MIER1: variants seen among roughly 807,000 people sequenced by gnomAD.
MIER1 encodes MIER1 transcriptional regulator, also known as mesoderm induction early response protein 1.
MIER1 carries 40 observed loss-of-function variants against 75.7 expected under a neutral mutation model. That is an observed-to-expected ratio of 0.53 (90% confidence interval 0.41 to 0.69). MIER1 has a LOEUF of 0.69. Among genes scored for constraint, MIER1 ranks in the 30% least tolerant of loss-of-function variants. The pLI is 0.00. For missense variants in MIER1, 574 were observed against 680.2 expected, an observed-to-expected ratio of 0.84 and a Z score of 1.74; for synonymous variants, 213 against 223.4, an observed-to-expected ratio of 0.95 and a Z score of 0.42.
Position 66,988,258 on chromosome 1 carries a change from C to T in MIER1, c.*3358C>T, listed in dbSNP as rs1164303074. On this transcript the variant is annotated 3_prime_UTR_variant, in exon 14 of 14. Coordinates refer to ENST00000401041, the MANE Select transcript of MIER1 (RefSeq NM_001077700.3). ...TTAACCTTTTATTCTAAAAATGACT[C>T]TCTTCTCTCAAAATGACTTTTTCTG... is the stretch of plus-strand genomic sequence containing the variant. 1 of 152,256 alleles carries T rather than the reference C, an allele frequency of 6.6e-6. No homozygotes were observed. The highest frequency in any genetic ancestry group is 1.5e-5 in the Non-Finnish European group (1 of 68,032). The allele number at this position is 152,256 out of a possible 1,614,324, so 9.4% of individuals were successfully genotyped here. A position where few individuals can be genotyped will look rare whatever the true frequency, so the allele number is the denominator to read the frequency against.
In MIER1 at chr1:66,988,463, A is replaced by G. The variant is rs920948809; in HGVS notation, c.*3563A>G. The G allele has an allele frequency of 6.6e-6, 1 of 152,312 alleles. No homozygotes were observed. Among genetic ancestry groups the G allele is most frequent in the African/African-American group, 2.4e-5 (1 of 41,450 alleles). 9.4% of individuals were successfully genotyped at this position (152,312 alleles called of 1,614,324 possible). On this transcript the variant is annotated 3_prime_UTR_variant, in exon 14 of 14. Coordinates refer to ENST00000401041, the MANE Select transcript of MIER1 (RefSeq NM_001077700.3). Reference sequence around the variant, plus strand: ...TTCTTTTCTAATACCAGTTTTCCATAAACTCTTGTCATGTACCCTTAGTAT... The same window carrying G: ...TTCTTTTCTAATACCAGTTTTCCATGAACTCTTGTCATGTACCCTTAGTAT...
At chr1:66,957,986 G>T in intron 4 of MIER1, 73 bp from the exon 5 acceptor site, 1 of 909,620 alleles carries the variant, frequency 1.1e-6, no homozygotes, top group Non-Finnish European at 1.6e-6. Flanking sequence ...ATACTCCACA[G>T]ATTTGTGGAT....
At chr1:66,927,626 A>T (rs1392378836) in intron 2 of MIER1, among the ~76,000 whole-genome samples, 1 of 152,148 alleles carries the variant, frequency 6.6e-6, no homozygotes, top group Non-Finnish European at 1.5e-5. Context: ...GAATTAATCC[A>T]AAGTGCTGAA....
intron 2 of MIER1, chr1:66,930,302 C>T (rs1054200315): frequency 3.8e-6 from 6 of 1,570,370 alleles, no homozygotes; most frequent in South Asian, 1.1e-5. Flanking sequence ...ACGGCAGCGG[C>T]CGGAGTCCCG....
At chr1:66,946,034 T>C in intron 3 of MIER1, 116 bp from the exon 4 acceptor site, 4 of 916,072 alleles carry the variant, frequency 4.4e-6, no homozygotes, top group Non-Finnish European at 6.4e-6. Context: ...TTGCTGTGCG[T>C]AGCTTTTTCT....
intron 13 of MIER1, among the ~76,000 whole-genome samples, chr1:66,984,018 C>T (rs184532354): frequency 2.6e-5 from 4 of 152,308 alleles, no homozygotes; most frequent in African/African-American, 9.6e-5. Flanking sequence ...GCCACTGCAC[C>T]CAGCCTTGTG....
chr1:66,936,185 T>C (rs888847923), intron 2 of MIER1, among the ~76,000 whole-genome samples: 3 of 152,178 alleles, frequency 2.0e-5, no homozygotes, highest in East Asian at 1.9e-4. Context: ...AAAATAGGTA[T>C]TGTTATAAAT....
chr1:66,977,991 G>GT (rs1665071079), intron 12 of MIER1, among the ~76,000 whole-genome samples: 1 of 152,018 alleles, frequency 6.6e-6, no homozygotes, highest in Admixed American at 6.6e-5. Flanking sequence ...AAGGTCAGGA[G>GT]TTTGAGACCA....
At chr1:66,955,401 G>A (rs545852887) in intron 4 of MIER1, among the ~76,000 whole-genome samples, 194 of 130,814 alleles carry the variant, frequency 1.5e-3, no homozygotes, top group Middle Eastern at 5.4e-3. Context: ...AGACTTACTA[G>A]GTCAGAAAGT....
At chr1:66,982,719 C>G (rs150066094) in intron 13 of MIER1, among the ~76,000 whole-genome samples, 83 of 152,308 alleles carry the variant, frequency 5.4e-4, no homozygotes, top group African/African-American at 1.9e-3. Context: ...AGCCTTGATC[C>G]TCTTCTGACC....
intron 12 of MIER1, among the ~76,000 whole-genome samples, chr1:66,980,097 A>G (rs577616205): frequency 5.3e-5 from 8 of 152,178 alleles, no homozygotes; most frequent in African/African-American, 1.4e-4. Flanking sequence ...CATATTATCC[A>G]TTCCCACTAT....
At chr1:66,947,827 A>G (rs1225892441) in intron 4 of MIER1, 1 of 590,832 alleles carries the variant, frequency 1.7e-6, no homozygotes, top group Non-Finnish European at 2.1e-6. Flanking sequence ...TAGCCACACT[A>G]GCTGCTTTTG....
At chr1:66,937,203 T>G (rs1295760976) in intron 2 of MIER1, among the ~76,000 whole-genome samples, 1 of 152,062 alleles carries the variant, frequency 6.6e-6, no homozygotes, top group African/African-American at 2.4e-5. Flanking sequence ...TGTGTCTCCT[T>G]GGGTTTACTA....
chr1:66,935,995 T>TTA (rs1430635816), intron 2 of MIER1, among the ~76,000 whole-genome samples: 14 of 152,102 alleles, frequency 9.2e-5, no homozygotes, highest in African/African-American at 3.1e-4. Flanking sequence ...AGTGAATGTT[T>TTA]TATATATATA....
chr1:66,955,625 A>G (rs948580595), intron 4 of MIER1, among the ~76,000 whole-genome samples: 1 of 152,268 alleles, frequency 6.6e-6, no homozygotes, highest in East Asian at 1.9e-4. Context: ...GATTAGTTAT[A>G]ACACAGTTAT....
chr1:66,980,457 T>A (rs1312892053), intron 12 of MIER1, among the ~76,000 whole-genome samples: 1 of 152,228 alleles, frequency 6.6e-6, no homozygotes, highest in African/African-American at 2.4e-5. Context: ...AGGTATCACA[T>A]CCCTATATTT....
intron 2 of MIER1, among the ~76,000 whole-genome samples, chr1:66,931,020 C>CT (rs1400239239): frequency 2.6e-4 from 40 of 152,230 alleles, no homozygotes; most frequent in African/African-American, 8.9e-4. Context: ...CTCTGAGCTG[C>CT]TTTTCCACCT....
chr1:66,948,333 T>A (rs973667937), intron 4 of MIER1: 20 of 573,536 alleles, frequency 3.5e-5, no homozygotes, highest in Non-Finnish European at 3.7e-5. Context: ...TCATGAAAAA[T>A]GAATGCTTAT....
chr1:66,969,286 C>G (rs1241596168), intron 8 of MIER1, among the ~76,000 whole-genome samples: 1 of 151,884 alleles, frequency 6.6e-6, no homozygotes, highest in East Asian at 1.9e-4. Context: ...TGGCTCACAC[C>G]TGTAATCCCA....
Sources: allele counts gnomAD v4.1 joint callset (sites outside exome capture counted in the v4.1 genomes callset), GRCh38; gene constraint gnomAD v4.1.1; transcripts MANE v1.5; gene names NCBI Gene and HGNC (gene_info 2026-07-23, HGNC 2026-07-21).